The following NKAIN3 variants were observed in gnomAD, a reference collection of about 807,000 sequenced individuals.
NKAIN3 encodes sodium/potassium-transporting ATPase subunit beta-1-interacting protein 3.
In NKAIN3, 25 loss-of-function variants were observed where a neutral mutation model predicts 30.2. The observed-to-expected ratio is 0.83, with a 90% CI of 0.60 to 1.16. The LOEUF is 1.16. NKAIN3 is among the 50% of genes most tolerant of loss of function. NKAIN3 has a pLI of 0.00. For missense variants in NKAIN3, 225 were observed against 254.1 expected (o/e 0.89, Z 0.78); for synonymous variants, 91 against 89.6 (o/e 1.02, Z -0.09).
intron 3 of NKAIN3, among the ~76,000 whole-genome samples, chr8:62,711,707 C>A (rs956122442): frequency 6.6e-6 from 1 of 152,172 alleles, no homozygotes; most frequent in Non-Finnish European, 1.5e-5. Context: ...CCCTGATTAG[C>A]TTAATAACTA....
At chr8:62,435,557 G>C (rs1056310332) in intron 1 of NKAIN3, among the ~76,000 whole-genome samples, 1 of 152,130 alleles carries the variant, frequency 6.6e-6, no homozygotes, top group Non-Finnish European at 1.5e-5. Flanking sequence ...ACGAAGGGGA[G>C]TTGTTGCTAA....
rs1479728720 is a variant in NKAIN3 at position 62,965,951 on chromosome 8, T to A, written c.*544T>A. On this transcript the variant is annotated 3_prime_UTR_variant, in exon 7 of 7. Coordinates refer to ENST00000623646, the MANE Select transcript of NKAIN3 (RefSeq NM_001304533.3). The stretch of plus-strand genomic sequence containing the variant: ...CAACAGCATAAAACAAAACATGGAG[T>A]CCTCCTTTGTTCCTGACTTCTTAAA... The A allele has an allele frequency of 1.0e-6, 1 of 984,494 alleles. No homozygotes were observed. 61.0% of individuals were successfully genotyped at this position (984,494 alleles called of 1,614,324 possible).
chr8:62,474,329 G>A (rs1806445675), intron 1 of NKAIN3: 1 of 152,216 alleles, frequency 6.6e-6, no homozygotes, highest in Non-Finnish European at 1.5e-5. Flanking sequence ...AAGACAGGGA[G>A]CACAGGGAAG....
rs73269450 is a variant in NKAIN3, at chr8:62,551,064, G to A, written c.55-28475G>A. 8.3e-3 allele frequency among the ~76,000 whole-genome samples: 1,270 copies of A among 152,282 alleles called. 18 individuals are homozygous for A. Among genetic ancestry groups the A allele is most frequent in the African/African-American group, 0.029 (1,200 of 41,544 alleles). ...CATCACACTTAGGCCTTGAAGCAGA[G>A]TAGAGAGCTAAACACATAAAGTATT... On this transcript the variant is annotated intron_variant, in intron 1 of 6. Coordinates refer to ENST00000623646, the MANE Select transcript of NKAIN3 (RefSeq NM_001304533.3).
chr8:62,775,745 T>C (rs1009710675), intron 4 of NKAIN3, among the ~76,000 whole-genome samples: 3 of 151,982 alleles, frequency 2.0e-5, no homozygotes, highest in African/African-American at 7.2e-5. Context: ...TAGTTTTTTC[T>C]AGTATCCATT....
intron 3 of NKAIN3, among the ~76,000 whole-genome samples, chr8:62,594,816 C>CCCTT (rs1251039210): frequency 4.0e-5 from 6 of 151,394 alleles, no homozygotes; most frequent in African/African-American, 9.7e-5. Context: ...TTTCTTCCCT[C>CCCTT]CCTTCCTTCC....
chr8:62,375,650 T>C (rs911268709), intron 1 of NKAIN3, among the ~76,000 whole-genome samples: 4 of 152,144 alleles, frequency 2.6e-5, no homozygotes, highest in African/African-American at 9.7e-5. Context: ...GAAGATGACA[T>C]TTCATAAGGT....
chr8:62,928,072 A>T (rs1373834196), intron 5 of NKAIN3, among the ~76,000 whole-genome samples: 1 of 152,184 alleles, frequency 6.6e-6, no homozygotes, highest in African/African-American at 2.4e-5. Context: ...TAAGAAAAAA[A>T]TAATAATTTA....
intron 4 of NKAIN3, among the ~76,000 whole-genome samples, chr8:62,834,876 A>G (rs751256883): frequency 9.2e-5 from 14 of 152,130 alleles, no homozygotes; most frequent in Non-Finnish European, 1.6e-4. Context: ...AGCCAAGGCA[A>G]TCGTAAGCAA....
chr8:62,591,312 T>A (rs1810643473), intron 3 of NKAIN3, among the ~76,000 whole-genome samples: 1 of 151,936 alleles, frequency 6.6e-6, no homozygotes, highest in African/African-American at 2.4e-5. Context: ...TCTTCAGCAC[T>A]TATTAACTGT....
At chr8:62,687,511 G>A (rs1215091303) in intron 3 of NKAIN3, among the ~76,000 whole-genome samples, 1 of 152,096 alleles carries the variant, frequency 6.6e-6, no homozygotes. Context: ...ACAATGTTTT[G>A]CTGGGTCCTT....
At chr8:62,917,610 G>A (rs1403562611) in intron 4 of NKAIN3, among the ~76,000 whole-genome samples, 2 of 152,062 alleles carry the variant, frequency 1.3e-5, no homozygotes, top group African/African-American at 4.8e-5. Context: ...TTCTTTTCCC[G>A]GTATTATTTT....
At chr8:62,859,437 TG>T (rs964617770) in intron 4 of NKAIN3, among the ~76,000 whole-genome samples, 4 of 142,714 alleles carry the variant, frequency 2.8e-5, no homozygotes, top group African/African-American at 1.0e-4. Context: ...TCATCTTGTC[TG>T]GGCTCCTGCA....
intron 4 of NKAIN3, among the ~76,000 whole-genome samples, chr8:62,895,272 A>G (rs1821397506): frequency 6.6e-6 from 1 of 152,220 alleles, no homozygotes; most frequent in Non-Finnish European, 1.5e-5. Context: ...TACCAAAACC[A>G]AAGGCCAAAG....
intron 6 of NKAIN3, among the ~76,000 whole-genome samples, chr8:62,959,433 G>GGTGT (rs35737951): frequency 0.09 from 12,824 of 143,114 alleles, 751 homozygotes; most frequent in African/African-American, 0.16. Flanking sequence ...GACAAATCAG[G>GGTGT]GTGTGTGTGT....
In NKAIN3 at chr8:62,708,716, T is replaced by C. The variant is rs141074675; in HGVS notation, c.274-38216T>C. On this transcript the variant is annotated intron_variant, in intron 3 of 6. Coordinates refer to ENST00000623646, the MANE Select transcript of NKAIN3 (RefSeq NM_001304533.3). Reference sequence around the variant, plus strand: ...TACCAATTTGGATGCCTTTTATTTCTTTCTCTTCTCTGATTGCTCTGGCTA... The same window carrying C: ...TACCAATTTGGATGCCTTTTATTTCCTTCTCTTCTCTGATTGCTCTGGCTA... Among the ~76,000 whole-genome samples the C allele has an allele frequency of 7.0e-4, 106 of 152,280 alleles. 1 individual carries two copies. In the Middle Eastern group the frequency reaches 0.01, roughly 15 times the overall value.
chr8:62,283,157 A>G (rs1399468028), intron 1 of NKAIN3, among the ~76,000 whole-genome samples: 1 of 152,206 alleles, frequency 6.6e-6, no homozygotes, highest in Non-Finnish European at 1.5e-5. Flanking sequence ...GACTATGATA[A>G]ATATCAAACT....
intron 1 of NKAIN3, among the ~76,000 whole-genome samples, chr8:62,397,491 C>G (rs764831552): frequency 6.6e-6 from 1 of 152,064 alleles, no homozygotes; most frequent in Non-Finnish European, 1.5e-5. Flanking sequence ...ATGCAATTTA[C>G]AGGGAGGACA....
intron 1 of NKAIN3, among the ~76,000 whole-genome samples, chr8:62,418,335 C>T (rs1204230011): frequency 6.6e-6 from 1 of 152,116 alleles, no homozygotes; most frequent in East Asian, 1.9e-4. Context: ...ACCATTATAT[C>T]TAGCTCTCAT....
Sources: allele counts gnomAD v4.1 joint callset (sites outside exome capture counted in the v4.1 genomes callset), GRCh38; gene constraint gnomAD v4.1.1; transcripts MANE v1.5; gene names NCBI Gene and HGNC (gene_info 2026-07-23, HGNC 2026-07-21).